The following CIB1 variants were observed in gnomAD, a reference collection of about 807,000 sequenced individuals.
CIB1 encodes the protein calcium and integrin-binding protein 1.
A neutral mutation model predicts 25.0 loss-of-function variants in CIB1; 19 were observed. The observed-to-expected ratio is 0.76, with a 90% CI of 0.53 to 1.12. The LOEUF (loss-of-function observed/expected upper bound fraction) is 1.12, where lower values mean the gene tolerates loss of function less well. Among genes scored for constraint, CIB1 ranks in the 50% most tolerant of loss-of-function variants. CIB1 has a pLI of 0.00. For synonymous variants in CIB1, 104 were observed against 98.5 expected (o/e 1.06, Z -0.33); for missense variants, 236 against 242.6 (o/e 0.97, Z 0.18).
the CIB1 span, chr15:90,253,252 G>A: frequency 9.9e-6 from 16 of 1,613,362 alleles, no homozygotes; most frequent in East Asian, 6.7e-5. Context: ...TCTGCAGTGC[G>A]TCGGGCAGCC....
At chr15:90,233,496 G>C (rs1962554451) in intron 2 of CIB1, among the ~76,000 whole-genome samples, 173 bp downstream of exon 2, 1 of 152,242 alleles carries the variant, frequency 6.6e-6, no homozygotes, top group African/African-American at 2.4e-5. Flanking sequence ...CCTCAGGCGA[G>C]GGCGGGGAGG....
chr15:90,256,569 C>CTTTCTTTCT, the CIB1 span, among the ~76,000 whole-genome samples: 1 of 33,294 alleles, frequency 3.0e-5, no homozygotes, highest in Non-Finnish European at 5.8e-5. Context: ...TTCTTTCTTT[C>CTTTCTTTCT]TTTCTTTCTT....
At chr15:90,250,905 C>G in the CIB1 span, 1 of 1,610,944 alleles carries the variant, frequency 6.2e-7, no homozygotes, top group African/African-American at 1.3e-5. Context: ...TTCCCTAGAT[C>G]CCCTCAACTG....
At chr15:90,250,939 T>C in the CIB1 span, 1 of 1,583,142 alleles carries the variant, frequency 6.3e-7, no homozygotes, top group East Asian at 2.2e-5. Context: ...AGTCACCCAT[T>C]GGCCTCCCTT....
chr15:90,251,732 T>A, the CIB1 span: 26 of 811,726 alleles, frequency 3.2e-5, no homozygotes, highest in Non-Finnish European at 4.1e-5. Flanking sequence ...GTACTGAGCT[T>A]CCTAGGTGTC....
chr15:90,264,200 CTT>C, the CIB1 span: 2 of 606,054 alleles, frequency 3.3e-6, no homozygotes, highest in Non-Finnish European at 5.7e-6. Flanking sequence ...TTATTTACTC[CTT>C]TTTTTTTGAG....
At chr15:90,244,948 A>G in the CIB1 span, 3 of 152,232 alleles carry the variant, frequency 2.0e-5, no homozygotes, top group South Asian at 2.1e-4. Flanking sequence ...GGGGGCTCAC[A>G]CAGGTGGGTT....
the CIB1 span, among the ~76,000 whole-genome samples, chr15:90,247,742 C>CT: frequency 0.27 from 38,666 of 144,320 alleles, 6,173 homozygotes; most frequent in East Asian, 0.68. Flanking sequence ...TTTTTGTTTG[C>CT]TTTTTTTTTT....
chr15:90,230,235 A>G lies in CIB1; in HGVS notation c.*249T>C, dbSNP rs1389731635. 1.8e-5 allele frequency: 10 copies of G among 567,686 alleles called. No homozygotes were observed. The East Asian group carries it at 3.0e-4, about 17-fold the overall frequency. The allele number at this position is 567,686 out of a possible 1,614,324, so 35.2% of individuals were successfully genotyped here. A position where few individuals can be genotyped will look rare whatever the true frequency, so the allele number is the denominator to read the frequency against. ...GTCCTTCCTCATACCAGTGTATCTC[A>G]TGTCACACATAGGGTCAAACTTCTA... On this transcript the variant is annotated 3_prime_UTR_variant, in exon 7 of 7. Coordinates refer to ENST00000328649, the MANE Select transcript of CIB1 (RefSeq NM_006384.4).
the CIB1 span, chr15:90,240,933 G>A: frequency 3.8e-3 from 6,087 of 1,613,722 alleles, 230 homozygotes; most frequent in African/African-American, 0.072. Context: ...TGATTCAAAC[G>A]AAACTTCCTA....
chr15:90,239,305 A>ATGTGTGTGTGTGTGTGTGTGTG, the CIB1 span, among the ~76,000 whole-genome samples: 5 of 147,874 alleles, frequency 3.4e-5, no homozygotes, highest in African/African-American at 1.0e-4. Flanking sequence ...GAGACATAAA[A>ATGTGTGTGTGTGTGTGTGTGTG]TGTGTGTGTG....
chr15:90,235,398 T>G (rs950919118), upstream of CIB1, among the ~76,000 whole-genome samples: 2 of 152,068 alleles, frequency 1.3e-5, no homozygotes, highest in African/African-American at 4.8e-5. Flanking sequence ...AAACCCCATC[T>G]CTACTAAAAA....
the CIB1 span, among the ~76,000 whole-genome samples, chr15:90,264,412 C>G: frequency 6.6e-6 from 1 of 152,262 alleles, no homozygotes; most frequent in Middle Eastern, 3.4e-3. Flanking sequence ...AACTCCTGAT[C>G]CACCTGAATC....
chr15:90,234,688 A>G (rs1322041074), upstream of CIB1: 1 of 152,230 alleles, frequency 6.6e-6, no homozygotes, highest in African/African-American at 2.4e-5. Flanking sequence ...TAATCGGTCC[A>G]GTCCAAGGCA....
intron 2 of CIB1, among the ~76,000 whole-genome samples, chr15:90,233,072 T>C (rs762388803): frequency 5.3e-5 from 8 of 151,600 alleles, no homozygotes; most frequent in Non-Finnish European, 8.8e-5. Context: ...CATGAGCTTA[T>C]CTTTGCCACA....
the CIB1 span, chr15:90,256,299 T>A: frequency 6.2e-7 from 1 of 1,614,070 alleles, no homozygotes; most frequent in East Asian, 2.2e-5. Context: ...ATCTCCAAGG[T>A]GAAGGATGCC....
At chr15:90,258,265 T>G in the CIB1 span, 2 of 1,614,076 alleles carry the variant, frequency 1.2e-6, no homozygotes, top group Non-Finnish European at 1.7e-6. Context: ...CCCTGGCTGC[T>G]AGAGGTGAGG....
At chr15:90,247,457 A>G in the CIB1 span, among the ~76,000 whole-genome samples, 1 of 151,372 alleles carries the variant, frequency 6.6e-6, no homozygotes, top group South Asian at 2.1e-4. Context: ...ATATGAGAGT[A>G]TCATATGCTG....
chr15:90,245,996 G>A, the CIB1 span, among the ~76,000 whole-genome samples: 3 of 152,044 alleles, frequency 2.0e-5, no homozygotes, highest in South Asian at 2.1e-4. Flanking sequence ...TGCAGAGGCC[G>A]GGCACGGTGG....
Sources: allele counts gnomAD v4.1 joint callset (sites outside exome capture counted in the v4.1 genomes callset), GRCh38; gene constraint gnomAD v4.1.1; transcripts MANE v1.5; gene names NCBI Gene and HGNC (gene_info 2026-07-23, HGNC 2026-07-21).